DAB1: variants seen among roughly 807,000 people sequenced by gnomAD.
DAB1 encodes the protein DAB adaptor protein 1.
DAB1 carries 15 observed loss-of-function variants against 64.6 expected under a neutral mutation model. The observed-to-expected ratio is 0.23, with a 90% confidence interval of 0.16 to 0.36. The LOEUF (loss-of-function observed/expected upper bound fraction) is 0.36. Among genes scored for constraint, DAB1 ranks in the 10% least tolerant of loss-of-function variants. The probability of loss-of-function intolerance (pLI) is 1.00; values close to 1 mark genes in which losing one functional copy is unlikely to be tolerated. For synonymous variants in DAB1, 235 were observed against 251.9 expected (o/e 0.93, Z 0.64); for missense variants, 596 against 706.7 (o/e 0.84, Z 1.78).
In DAB1 at chr1:58,398,834, TTC is replaced by T. The variant is rs772464270; in HGVS notation, n.258-55433_258-55432del. ...GGGTGAATGGAAAATAGGTTCCCAG[TTC>T]TGTTTCTGCCACTGCTGTATCACTT... On this transcript the variant is annotated intron_variant and non_coding_transcript_variant, in intron 3 of 20. Transcript: ENST00000485760. Among the ~76,000 whole-genome samples the T allele has an allele frequency of 5.3e-4, 81 of 152,208 alleles. 1 individual carries two copies. Among genetic ancestry groups the T allele is most frequent in the Non-Finnish European group, 9.4e-4 (64 of 68,042 alleles).
chr1:58,305,747 TATGTAATTCTAG>T (rs1304010094), intron 4 of DAB1, among the ~76,000 whole-genome samples: 38 of 152,330 alleles, frequency 2.5e-4, no homozygotes, highest in African/African-American at 8.9e-4. Context: ...GTTTCCGGAA[TATGTAATTCTAG>T]ATTACAAAAC....
chr1:57,187,954 G>C (rs1663751041), intron 2 of DAB1, among the ~76,000 whole-genome samples: 1 of 152,110 alleles, frequency 6.6e-6, no homozygotes, highest in Non-Finnish European at 1.5e-5. Context: ...ACCCCACAAG[G>C]AGAGAGAGGT....
At chr1:58,098,322 G>A (rs548544390) in intron 5 of DAB1, among the ~76,000 whole-genome samples, 21 of 152,226 alleles carry the variant, frequency 1.4e-4, no homozygotes, top group East Asian at 3.9e-4. Context: ...GGGCTCCATC[G>A]CCACCCTACC....
intron 3 of DAB1, among the ~76,000 whole-genome samples, chr1:58,436,531 C>T (rs1557760040): frequency 6.6e-6 from 1 of 152,142 alleles, no homozygotes; most frequent in African/African-American, 2.4e-5. Context: ...CACTCCATGC[C>T]ATGGAGATGA....
chr1:57,517,846 T>A (rs1052214013), intron 7 of DAB1, among the ~76,000 whole-genome samples: 2 of 152,136 alleles, frequency 1.3e-5, no homozygotes, highest in Non-Finnish European at 2.9e-5. Flanking sequence ...ATACACCTCT[T>A]CCAGGGTCTT....
intron 5 of DAB1, among the ~76,000 whole-genome samples, chr1:58,147,052 A>C (rs1055411533): frequency 2.0e-5 from 3 of 152,186 alleles, no homozygotes; most frequent in African/African-American, 4.8e-5. Context: ...CACGCCTGTA[A>C]TCCCAGCACT....
intron 1 of DAB1, among the ~76,000 whole-genome samples, chr1:57,386,066 G>A (rs184058936): frequency 1.3e-5 from 2 of 152,242 alleles, no homozygotes; most frequent in African/African-American, 4.8e-5. Flanking sequence ...GTTTCTGCAG[G>A]ATAACATGGG....
intron 2 of DAB1, among the ~76,000 whole-genome samples, chr1:57,224,226 G>A (rs754084999): frequency 3.9e-5 from 6 of 152,104 alleles, no homozygotes; most frequent in Non-Finnish European, 5.9e-5. Flanking sequence ...CTACCTCAAA[G>A]GACTGTTGTG....
intron 6 of DAB1, among the ~76,000 whole-genome samples, chr1:57,779,755 A>G (rs1393020429): frequency 6.6e-6 from 1 of 152,128 alleles, no homozygotes; most frequent in African/African-American, 2.4e-5. Flanking sequence ...ACCATTATTG[A>G]GCAGAGTATA....
intron 7 of DAB1, among the ~76,000 whole-genome samples, chr1:57,539,063 G>A (rs1242757399): frequency 6.6e-6 from 1 of 152,178 alleles, no homozygotes; most frequent in Non-Finnish European, 1.5e-5. Flanking sequence ...TGCTCCCTCA[G>A]CTCTCAGATG....
chr1:57,303,050 A>G (rs1673800765), intron 1 of DAB1, among the ~76,000 whole-genome samples: 2 of 152,224 alleles, frequency 1.3e-5, no homozygotes, highest in South Asian at 4.1e-4. Flanking sequence ...CCTTCCCCAA[A>G]GATGCTCAAG....
rs139119474 is a variant in DAB1 at position 58,478,225 on chromosome 1, C to T, written n.257+27835G>A. On this transcript the variant is annotated intron_variant and non_coding_transcript_variant, in intron 3 of 20. Transcript: ENST00000485760. ...CCCTGCTCTTACTCACTCTCTCTTG[C>T]CTGCCACCACGTGAGACATGCCTCT... is the stretch of plus-strand genomic sequence containing the variant. Among the ~76,000 whole-genome samples, 156 of 152,256 alleles carry T rather than the reference C, an allele frequency of 1.0e-3. 1 individual carries two copies. Among genetic ancestry groups the T allele is most frequent in the Non-Finnish European group, 1.7e-3 (118 of 68,012 alleles).
At chr1:58,274,545 T>A (rs1423432054) in intron 4 of DAB1, among the ~76,000 whole-genome samples, 1 of 141,688 alleles carries the variant, frequency 7.1e-6, no homozygotes, top group East Asian at 2.2e-4. Context: ...CAGTTCGAGC[T>A]TCCTGGCTGC....
chr1:57,941,854 A>G (rs1035827473), intron 5 of DAB1, among the ~76,000 whole-genome samples: 3 of 152,090 alleles, frequency 2.0e-5, no homozygotes, highest in Non-Finnish European at 4.4e-5. Flanking sequence ...AAGAAAAGAA[A>G]TCTAATGGGG....
intron 6 of DAB1, among the ~76,000 whole-genome samples, chr1:57,669,397 T>C (rs961281241): frequency 6.6e-6 from 1 of 152,176 alleles, no homozygotes; most frequent in Non-Finnish European, 1.5e-5. Context: ...ATATTTTACA[T>C]GATAACTTGC....
intron 1 of DAB1, among the ~76,000 whole-genome samples, chr1:57,865,767 T>C (rs1024381096): frequency 4.6e-5 from 7 of 152,232 alleles, no homozygotes; most frequent in Non-Finnish European, 8.8e-5. Context: ...ATTCAAAGCA[T>C]AGATCTACTA....
intron 7 of DAB1, among the ~76,000 whole-genome samples, chr1:57,499,674 C>T (rs898827168): frequency 1.3e-5 from 2 of 152,128 alleles, no homozygotes; most frequent in Non-Finnish European, 2.9e-5. Context: ...GAAATGAAGG[C>T]CTTGCAGGTG....
chr1:58,170,411 A>G (rs1261673591), intron 4 of DAB1, among the ~76,000 whole-genome samples: 1 of 152,162 alleles, frequency 6.6e-6, no homozygotes, highest in Non-Finnish European at 1.5e-5. Context: ...ATCCTAAAAG[A>G]TAAGTTTATT....
At chr1:58,150,576 A>T (rs1654864465) in exon 5 of DAB1, 1 of 138,722 alleles carries the variant, frequency 7.2e-6, no homozygotes, top group African/African-American at 2.9e-5. Context: ...GTAAAATACG[A>T]AGACTGGGAA....
Sources: allele counts gnomAD v4.1 joint callset (sites outside exome capture counted in the v4.1 genomes callset), GRCh38; gene constraint gnomAD v4.1.1; transcripts MANE v1.5; gene names NCBI Gene and HGNC (gene_info 2026-07-23, HGNC 2026-07-21).